Variants in CORIN observed in about 807,000 individuals in gnomAD.
CORIN encodes the protein atrial natriuretic peptide-converting enzyme.
A neutral mutation model predicts 125.3 loss-of-function variants in CORIN; 117 were observed. The observed-to-expected ratio is 0.93, with a 90% CI of 0.80 to 1.09. The LOEUF is 1.09. CORIN is among the 50% of genes least tolerant of loss of function. The pLI is 0.00. For synonymous variants in CORIN, 450 were observed against 466.4 expected (o/e 0.96, Z 0.45); for missense variants, 1,253 against 1,306.7 (o/e 0.96, Z 0.63).
rs767012388 is a variant in CORIN at position 47,653,512 on chromosome 4, A to T, written c.1843+41T>A. 13 of 1,461,446 alleles carry T rather than the reference A, an allele frequency of 8.9e-6. No individual in the cohort carries two copies. In the South Asian group the frequency reaches 1.3e-4, roughly 14 times the overall value. 90.5% of individuals were successfully genotyped at this position (1,461,446 alleles called of 1,614,324 possible). A position where few individuals can be genotyped will look rare whatever the true frequency, so the allele number is the denominator to read the frequency against. On this transcript the variant is annotated intron_variant, in intron 13 of 21. Transcript: ENST00000273857. ...CACAGTTTCTTATTTTATTCTAGTT[A>T]TCACTGTACATTCAAGAAAAGTACC... is the stretch of plus-strand genomic sequence containing the variant.
At chr4:47,653,163 ATTG>A (rs1723811984) in intron 13 of CORIN, among the ~76,000 whole-genome samples, 1 of 152,148 alleles carries the variant, frequency 6.6e-6, no homozygotes, top group African/African-American at 2.4e-5. Flanking sequence ...CCATTTTATT[ATTG>A]TTGTTAATCT....
chr4:47,740,978 A>G (rs908485576), intron 5 of CORIN, among the ~76,000 whole-genome samples: 1 of 152,018 alleles, frequency 6.6e-6, no homozygotes, highest in African/African-American at 2.4e-5. Flanking sequence ...CTTAAATATA[A>G]GAGCTAAATC....
chr4:47,663,156 C>T (rs1037109174), intron 11 of CORIN, among the ~76,000 whole-genome samples: 3 of 152,124 alleles, frequency 2.0e-5, no homozygotes, highest in African/African-American at 4.8e-5. Context: ...ATATGCAGCA[C>T]CACAAGTCCA....
chr4:47,696,738 C>T (rs61761812), intron 5 of CORIN, among the ~76,000 whole-genome samples: 3,155 of 152,306 alleles, frequency 0.021, 109 homozygotes, highest in African/African-American at 0.071. Context: ...CTCTTTTCAG[C>T]ATTCTTGTCT....
At chr4:47,726,776 G>A (rs1023438120) in intron 5 of CORIN, among the ~76,000 whole-genome samples, 8 of 151,898 alleles carry the variant, frequency 5.3e-5, no homozygotes, top group African/African-American at 1.9e-4. Context: ...TGACATTGAA[G>A]ACTGGCATTA....
chr4:47,600,511 G>A (rs1271237555), intron 20 of CORIN, among the ~76,000 whole-genome samples, 164 bp from the exon 21 acceptor site: 1 of 152,104 alleles, frequency 6.6e-6, no homozygotes, highest in Non-Finnish European at 1.5e-5. Context: ...TGGCTGGTTT[G>A]GAATCAGAAT....
intron 5 of CORIN, among the ~76,000 whole-genome samples, chr4:47,700,892 C>T (rs941442085): frequency 5.3e-5 from 8 of 152,230 alleles, no homozygotes; most frequent in African/African-American, 1.9e-4. Flanking sequence ...TCCTTCCCTC[C>T]TCAATGCTGC....
chr4:47,754,089 A>G (rs557674097), intron 4 of CORIN, among the ~76,000 whole-genome samples: 274 of 152,318 alleles, frequency 1.8e-3, no homozygotes, highest in Non-Finnish European at 2.7e-3. Context: ...TGTCAGTAAC[A>G]TGACAAGGCA....
At chr4:47,776,660 G>A (rs1000582353) in intron 3 of CORIN, among the ~76,000 whole-genome samples, 22 of 152,104 alleles carry the variant, frequency 1.4e-4, no homozygotes, top group African/African-American at 5.3e-4. Flanking sequence ...CACAATGGAG[G>A]AATTTGGAGG....
chr4:47,808,512 T>C (rs1459866625), intron 1 of CORIN, among the ~76,000 whole-genome samples: 1 of 152,256 alleles, frequency 6.6e-6, no homozygotes, highest in African/African-American at 2.4e-5. Context: ...CAGTGTTCAC[T>C]ACATAATATG....
intron 2 of CORIN, among the ~76,000 whole-genome samples, chr4:47,804,908 G>A (rs1027228463): frequency 2.0e-5 from 3 of 151,622 alleles, no homozygotes; most frequent in South Asian, 2.1e-4. Context: ...AGGCCGAGAC[G>A]GGTGGATCAC....
intron 1 of CORIN, among the ~76,000 whole-genome samples, chr4:47,827,002 G>T (rs1732768643): frequency 6.6e-6 from 1 of 152,078 alleles, no homozygotes; most frequent in Non-Finnish European, 1.5e-5. Flanking sequence ...GATATATTGA[G>T]TTAAATAAGC....
intron 17 of CORIN, among the ~76,000 whole-genome samples, chr4:47,625,171 G>A (rs1722501609): frequency 6.6e-6 from 1 of 152,012 alleles, no homozygotes; most frequent in Non-Finnish European, 1.5e-5. Flanking sequence ...TATGTTCCCT[G>A]AGATGAGGGC....
At chr4:47,720,778 T>C (rs1237367830) in intron 5 of CORIN, among the ~76,000 whole-genome samples, 7 of 152,238 alleles carry the variant, frequency 4.6e-5, no homozygotes, top group African/African-American at 1.7e-4. Flanking sequence ...CTTTGAATGC[T>C]ATTAAGCTAA....
rs1434152916 is a variant in CORIN, at chr4:47,683,880, C to A, written c.914-42G>T. On this transcript the variant is annotated intron_variant, in intron 6 of 21. Coordinates refer to ENST00000273857, the MANE Select transcript of CORIN (RefSeq NM_006587.4). ...CCACCAGTGTGTCATCAGAGCCATA[C>A]AGAATGCTATTGTAGTACGATATTT... is the stretch of plus-strand genomic sequence containing the variant. 7 of 1,426,014 alleles carry A rather than the reference C, an allele frequency of 4.9e-6. No individual in the cohort carries two copies. The East Asian group carries it at 1.1e-4, about 23-fold the overall frequency. The allele number at this position is 1,426,014 out of a possible 1,614,324, so 88.3% of individuals were successfully genotyped here.
intron 3 of CORIN, 127 bp downstream of exon 3, chr4:47,786,598 G>T: frequency 1.4e-6 from 1 of 704,276 alleles, no homozygotes. Flanking sequence ...ACGCTTACCA[G>T]GAAACTGAGT....
chr4:47,766,218 A>G (rs1490300391), intron 3 of CORIN, among the ~76,000 whole-genome samples: 1 of 152,186 alleles, frequency 6.6e-6, no homozygotes, highest in East Asian at 1.9e-4. Context: ...GGAATATAAC[A>G]TTGCTTTAAG....
chr4:47,760,337 G>A (rs1171833648), intron 4 of CORIN, among the ~76,000 whole-genome samples: 1 of 152,074 alleles, frequency 6.6e-6, no homozygotes, highest in African/African-American at 2.4e-5. Flanking sequence ...TCAAAAATGG[G>A]CTTCAAAATA....
intron 4 of CORIN, among the ~76,000 whole-genome samples, chr4:47,752,930 TG>T: frequency 6.6e-6 from 1 of 152,014 alleles, no homozygotes; most frequent in East Asian, 1.9e-4. Context: ...TATAAAAGGA[TG>T]CCATGAATAC....
Sources: gnomAD v4.1 joint callset for allele counts (sites outside exome capture counted in the v4.1 genomes callset) on GRCh38, gnomAD v4.1.1 for gene constraint, MANE v1.5 for transcripts, NCBI Gene and HGNC (gene_info 2026-07-23, HGNC 2026-07-21) for gene names.